LRMDA: variants seen among roughly 807,000 people sequenced by gnomAD.
LRMDA encodes the protein leucine-rich melanocyte differentiation-associated protein.
In LRMDA, 18 loss-of-function variants were observed where a neutral mutation model predicts 29.8. That is an observed-to-expected ratio of 0.60 (90% CI 0.42 to 0.90). The LOEUF (loss-of-function observed/expected upper bound fraction) is 0.90. Ranked by LOEUF, LRMDA falls within the 40% of genes least tolerant of loss-of-function variation. The probability of loss-of-function intolerance (pLI) is 0.00; values close to 1 mark genes in which losing one functional copy is unlikely to be tolerated. For synonymous variants in LRMDA, 125 were observed against 109.4 expected, an observed-to-expected ratio of 1.14 and a Z score of -0.89; for missense variants, 273 against 273.9, an observed-to-expected ratio of 1.00 and a Z score of 0.02.
chr10:76,462,760 T>A (rs2132309782), intron 6 of LRMDA, among the ~76,000 whole-genome samples: 1 of 152,306 alleles, frequency 6.6e-6, no homozygotes, highest in African/African-American at 2.4e-5. Flanking sequence ...CTCCAGCTAC[T>A]CAGTGCCTCC....
intron 6 of LRMDA, among the ~76,000 whole-genome samples, chr10:76,399,793 G>A (rs951951113): frequency 6.6e-6 from 1 of 152,116 alleles, no homozygotes; most frequent in Non-Finnish European, 1.5e-5. Context: ...GCCAAGTCCT[G>A]TGAATTATAC....
chr10:76,375,092 T>A (rs1841500160), intron 6 of LRMDA, among the ~76,000 whole-genome samples: 1 of 152,172 alleles, frequency 6.6e-6, no homozygotes, highest in African/African-American at 2.4e-5. Flanking sequence ...TTTCAACTGC[T>A]AAAAGTTCAG....
intron 2 of LRMDA, among the ~76,000 whole-genome samples, chr10:75,749,012 G>A (rs1310603162): frequency 1.3e-5 from 2 of 152,046 alleles, no homozygotes; most frequent in Non-Finnish European, 2.9e-5. Flanking sequence ...GAACTGCATG[G>A]ATCCACTTAT....
Position 75,730,727 on chromosome 10 carries a change from T to C in LRMDA, c.131+292233T>C, listed in dbSNP as rs1842686586. On this transcript the variant is annotated intron_variant, in intron 2 of 6. Coordinates refer to ENST00000611255, the MANE Select transcript of LRMDA (RefSeq NM_001305581.2). ...TGCAAATTGATTGTCTGATGAATTATGCACAAGAGCCACAAACTTTCCTTT... is the reference window on the plus strand; with the variant it reads ...TGCAAATTGATTGTCTGATGAATTACGCACAAGAGCCACAAACTTTCCTTT... Among the ~76,000 whole-genome samples, 4 of 152,228 alleles carry C rather than the reference T, an allele frequency of 2.6e-5. No individual in the cohort carries two copies. The South Asian group carries it at 6.2e-4, about 24-fold the overall frequency.
chr10:76,304,923 A>T (rs146689280), intron 5 of LRMDA, among the ~76,000 whole-genome samples: 21 of 152,212 alleles, frequency 1.4e-4, no homozygotes, highest in African/African-American at 4.6e-4. Flanking sequence ...AGAGGCTGAG[A>T]AGGCAGGGGC....
chr10:75,791,583 AG>A (rs1277185106), intron 2 of LRMDA, among the ~76,000 whole-genome samples: 12 of 152,222 alleles, frequency 7.9e-5, no homozygotes, highest in Non-Finnish European at 1.3e-4. Context: ...TCCACAGAAA[AG>A]TCAAATTCTC....
chr10:76,249,647 G>A (rs1211321628), intron 5 of LRMDA, among the ~76,000 whole-genome samples: 1 of 152,082 alleles, frequency 6.6e-6, no homozygotes, highest in African/African-American at 2.4e-5. Context: ...AGAAAATATT[G>A]CTTCTTTTTA....
chr10:75,525,592 C>CTTTTTTTTTT (rs11415547), intron 2 of LRMDA, among the ~76,000 whole-genome samples: 38 of 129,694 alleles, frequency 2.9e-4, no homozygotes, highest in Non-Finnish European at 4.2e-4. Context: ...TTCTTTCTTT[C>CTTTTTTTTTT]TTTTTTTTTT....
intron 2 of LRMDA, among the ~76,000 whole-genome samples, chr10:75,832,456 T>C (rs564209991): frequency 1.3e-4 from 20 of 152,340 alleles, no homozygotes; most frequent in African/African-American, 4.8e-4. Flanking sequence ...TTGGTCAAAG[T>C]CATTCAACAA....
At chr10:75,785,714 C>T (rs1843460825) in intron 2 of LRMDA, among the ~76,000 whole-genome samples, 1 of 152,114 alleles carries the variant, frequency 6.6e-6, no homozygotes, top group Non-Finnish European at 1.5e-5. Context: ...ATTTAAGAGC[C>T]CCACTAATGT....
intron 2 of LRMDA, among the ~76,000 whole-genome samples, chr10:75,560,545 C>T (rs1460820041): frequency 6.6e-6 from 1 of 151,632 alleles, no homozygotes; most frequent in Non-Finnish European, 1.5e-5. Flanking sequence ...TGCCTAATTG[C>T]CCTGGTCAGA....
intron 6 of LRMDA, among the ~76,000 whole-genome samples, chr10:76,343,478 T>C (rs952958218): frequency 1.3e-5 from 2 of 152,214 alleles, no homozygotes; most frequent in Non-Finnish European, 2.9e-5. Flanking sequence ...ATTAGGATAC[T>C]CATTTATTTA....
intron 2 of LRMDA, among the ~76,000 whole-genome samples, chr10:75,739,966 T>C (rs935885768): frequency 6.6e-5 from 10 of 152,236 alleles, no homozygotes; most frequent in Middle Eastern, 3.2e-3. Flanking sequence ...AACTTTTGTT[T>C]ACTGGTGTCA....
At chr10:75,983,694 G>A (rs918421305) in intron 2 of LRMDA, among the ~76,000 whole-genome samples, 8 of 152,010 alleles carry the variant, frequency 5.3e-5, no homozygotes, top group African/African-American at 1.4e-4. Flanking sequence ...TTGCTCTGTC[G>A]CCCAGGCTGG....
At chr10:75,658,923 G>A (rs569214383) in intron 2 of LRMDA, among the ~76,000 whole-genome samples, 2 of 152,330 alleles carry the variant, frequency 1.3e-5, no homozygotes, top group South Asian at 2.1e-4. Flanking sequence ...CAGTCCTGGG[G>A]CATTCAAGCT....
At chr10:76,034,268 G>A (rs1848201736) in intron 2 of LRMDA, among the ~76,000 whole-genome samples, 1 of 152,156 alleles carries the variant, frequency 6.6e-6, no homozygotes, top group Non-Finnish European at 1.5e-5. Flanking sequence ...ATACAGGCAG[G>A]CAATGTGTAA....
intron 6 of LRMDA, among the ~76,000 whole-genome samples, chr10:76,411,099 C>A (rs1378532717): frequency 1.3e-5 from 2 of 152,094 alleles, no homozygotes; most frequent in Non-Finnish European, 2.9e-5. Flanking sequence ...TCATAATAAC[C>A]ATGAGAGGAA....
At chr10:76,051,399 A>T in intron 4 of LRMDA, among the ~76,000 whole-genome samples, 1 of 152,202 alleles carries the variant, frequency 6.6e-6, no homozygotes, top group East Asian at 1.9e-4. Flanking sequence ...AACTGTGAGG[A>T]AAATCAGCTG....
intron 2 of LRMDA, among the ~76,000 whole-genome samples, chr10:75,982,835 AT>A (rs1182977580): frequency 6.6e-6 from 1 of 152,186 alleles, no homozygotes; most frequent in African/African-American, 2.4e-5. Context: ...AGCAGCTTCT[AT>A]TGTTGAGCAC....
Sources: allele counts gnomAD v4.1 joint callset (sites outside exome capture counted in the v4.1 genomes callset), GRCh38; gene constraint gnomAD v4.1.1; transcripts MANE v1.5; gene names NCBI Gene and HGNC (gene_info 2026-07-23, HGNC 2026-07-21).